The following RIPOR3 variants were observed in gnomAD, a reference collection of about 807,000 sequenced individuals.
RIPOR3 encodes family with sequence similarity 65 member C.
A neutral mutation model predicts 114.3 loss-of-function variants in RIPOR3; 95 were observed. The observed-to-expected ratio is 0.83, with a 90% confidence interval of 0.70 to 0.99. RIPOR3 has a LOEUF of 0.99. Ranked by LOEUF, RIPOR3 falls within the 50% of genes least tolerant of loss-of-function variation. The probability of loss-of-function intolerance (pLI) is 0.00; values close to 1 mark genes in which losing one functional copy is unlikely to be tolerated. For synonymous variants in RIPOR3, 575 were observed against 543.8 expected (o/e 1.06, Z -0.80); for missense variants, 1,252 against 1,266.9 (o/e 0.99, Z 0.18).
chr20:50,647,478 C>CTTTT (rs942940961), intron 1 of RIPOR3, among the ~76,000 whole-genome samples: 19 of 100,346 alleles, frequency 1.9e-4, no homozygotes, highest in Non-Finnish European at 2.4e-4. Context: ...GCCTCATTCT[C>CTTTT]TTTTTTTTTT....
At chr20:50,677,670 C>T (rs1306038367) in intron 1 of RIPOR3, among the ~76,000 whole-genome samples, 2 of 145,942 alleles carry the variant, frequency 1.4e-5, no homozygotes, top group Non-Finnish European at 3.0e-5. Flanking sequence ...CCGCGCCTGG[C>T]CTTTTTTTTT....
At chr20:50,590,574 G>A (rs550972184) in intron 19 of RIPOR3, among the ~76,000 whole-genome samples, 106 of 152,342 alleles carry the variant, frequency 7.0e-4, no homozygotes, top group African/African-American at 2.5e-3. Flanking sequence ...GCTTTGGGAA[G>A]ACAGACTGGG....
intron 13 of RIPOR3, among the ~76,000 whole-genome samples, chr20:50,597,928 A>C (rs1325888602): frequency 1.3e-5 from 2 of 152,172 alleles, no homozygotes; most frequent in African/African-American, 2.4e-5. Flanking sequence ...ACAAGGTAGG[A>C]GCAGAATCTT....
chr20:50,616,290 C>G (rs1319458580), intron 3 of RIPOR3, among the ~76,000 whole-genome samples: 1 of 152,140 alleles, frequency 6.6e-6, no homozygotes, highest in Non-Finnish European at 1.5e-5. Context: ...TTAATTCCCC[C>G]ACCAGGCCCA....
At chr20:50,668,728 G>A (rs959337319) in intron 1 of RIPOR3, among the ~76,000 whole-genome samples, 1 of 152,028 alleles carries the variant, frequency 6.6e-6, no homozygotes, top group Non-Finnish European at 1.5e-5. Flanking sequence ...GTGGTGGCGG[G>A]TGCCTGTAAT....
chr20:50,622,970 A>C (rs2084473906), intron 2 of RIPOR3, among the ~76,000 whole-genome samples: 1 of 152,148 alleles, frequency 6.6e-6, no homozygotes, highest in Admixed American at 6.6e-5. Flanking sequence ...AGCTTAGAAA[A>C]CATTAGGTGC....
chr20:50,629,473 G>T (rs545669102), intron 2 of RIPOR3, among the ~76,000 whole-genome samples: 4 of 152,136 alleles, frequency 2.6e-5, no homozygotes, highest in African/African-American at 9.7e-5. Context: ...TGAGCTCATC[G>T]GGCTGTGGCC....
intron 1 of RIPOR3, chr20:50,637,011 G>T (rs988129263): frequency 5.3e-6 from 4 of 751,304 alleles, no homozygotes; most frequent in Non-Finnish European, 4.9e-6. Flanking sequence ...AGCTCCTTTG[G>T]TTTCGCATGA....
rs551880428 is a variant in RIPOR3 at position 50,634,351 on chromosome 20, T to C, written c.4-3495A>G. On this transcript the variant is annotated intron_variant, in intron 1 of 21. Transcript: ENST00000327979. The stretch of plus-strand genomic sequence containing the variant: ...ACGTGCCATGGCCACATGGATTGGC[T>C]TCCTGGCTAAACCCTCCTCATCTTT... 2.9e-3 allele frequency among the ~76,000 whole-genome samples: 447 copies of C among 152,232 alleles called. 1 individual carries two copies. The highest frequency in any genetic ancestry group is 0.017 in the Middle Eastern group (5 of 294).
intron 6 of RIPOR3, among the ~76,000 whole-genome samples, chr20:50,609,994 A>C (rs62202772): frequency 0.37 from 14,401 of 38,440 alleles, 1,749 homozygotes; most frequent in East Asian, 0.57. Flanking sequence ...CCCCTGCCTC[A>C]CCTGCCACCC....
intron 13 of RIPOR3, among the ~76,000 whole-genome samples, chr20:50,598,797 C>A (rs553236794): frequency 6.6e-6 from 1 of 150,842 alleles, no homozygotes; most frequent in East Asian, 2.0e-4. Flanking sequence ...CTCAGCTACT[C>A]AGGAGGCTGA....
At position 50,639,865 on chromosome 20, in the gene RIPOR3, C is replaced by T. The variant is rs182869874; in HGVS notation, c.4-9009G>A. On this transcript the variant is annotated intron_variant, in intron 1 of 21. Coordinates refer to ENST00000327979, the MANE Select transcript of RIPOR3 (RefSeq NM_001290268.2). The stretch of plus-strand genomic sequence containing the variant: ...TTATGGGAGGGTCCCTGGACCTCAG[C>T]ATGTAATGCTTTGCTGTGGAGGCTG... 5.3e-5 allele frequency among the ~76,000 whole-genome samples: 8 copies of T among 152,118 alleles called. No homozygotes were observed. The East Asian group carries it at 1.5e-3, about 29-fold the overall frequency.
intron 1 of RIPOR3, among the ~76,000 whole-genome samples, chr20:50,689,512 T>C (rs2087137119): frequency 6.6e-6 from 1 of 152,176 alleles, no homozygotes; most frequent in African/African-American, 2.4e-5. Context: ...GACATCTTAC[T>C]CTCAGACGCT....
rs549270503 is a variant in RIPOR3, at chr20:50,614,174, T to C, written c.348+1828A>G. 3.9e-5 allele frequency among the ~76,000 whole-genome samples: 6 copies of C among 152,276 alleles called. 1 individual carries two copies. In the South Asian group the frequency reaches 1.2e-3, roughly 32 times the overall value. On this transcript the variant is annotated intron_variant, in intron 4 of 21. Coordinates refer to ENST00000327979, the MANE Select transcript of RIPOR3 (RefSeq NM_001290268.2). ...CCTCAGCCTCCCGAGTAGCTGGGACTACAGGCACCCGCCACCACGCCTGGC... is the reference window on the plus strand; with the variant it reads ...CCTCAGCCTCCCGAGTAGCTGGGACCACAGGCACCCGCCACCACGCCTGGC...
Position 50,594,666 on chromosome 20 carries a change from CCT to C in RIPOR3, c.2097_2098del (p.Gly700ValfsTer80). 6.2e-7 allele frequency: 1 copy of C among 1,613,628 alleles called. No homozygotes were observed. Among genetic ancestry groups the C allele is most frequent in the Non-Finnish European group, 8.5e-7 (1 of 1,179,840 alleles). ...CAGGACCCTGCCAGGCCCTGTGCACCCTCTCCACAGCTTCAGGCACCCCTTCG... is the reference window on the plus strand; with the variant it reads ...CAGGACCCTGCCAGGCCCTGTGCACCCTCCACAGCTTCAGGCACCCCTTCG... On this transcript the variant is annotated frameshift_variant, in exon 17 of 22. Transcript: ENST00000327979. LOFTEE classifies it high-confidence loss of function.
intron 1 of RIPOR3, among the ~76,000 whole-genome samples, chr20:50,673,119 T>C (rs962482150): frequency 7.1e-6 from 1 of 141,248 alleles, no homozygotes. Flanking sequence ...GTAAGTCTTG[T>C]CCTTGATCTA....
Position 50,609,223 on chromosome 20 carries a change from C to A in RIPOR3, c.640+70G>T, listed in dbSNP as rs2083853885. On this transcript the variant is annotated intron_variant, in intron 8 of 21. Coordinates refer to ENST00000327979, the MANE Select transcript of RIPOR3 (RefSeq NM_001290268.2). ...CAGACCCCTGGGATTCTGGCCAATT[C>A]CCGTGCCCCTCAGCAGAAGTCTCAG... 1.1e-5 allele frequency: 17 copies of A among 1,560,832 alleles called. No individual in the cohort carries two copies. In the South Asian group the frequency reaches 1.7e-4, roughly 16 times the overall value.
intron 11 of RIPOR3, among the ~76,000 whole-genome samples, chr20:50,605,317 A>G (rs982131391): frequency 2.0e-4 from 30 of 152,104 alleles, no homozygotes; most frequent in African/African-American, 7.2e-4. Flanking sequence ...AGGGGAGGAA[A>G]GGAAGGCTCT....
At chr20:50,588,335 C>G (rs2082991322) in intron 20 of RIPOR3, among the ~76,000 whole-genome samples, 2 of 152,272 alleles carry the variant, frequency 1.3e-5, no homozygotes, top group Admixed American at 1.3e-4. Flanking sequence ...TACTGGGCAC[C>G]TGGCCCTCGC....
Sources: gnomAD v4.1 joint callset for allele counts (sites outside exome capture counted in the v4.1 genomes callset) on GRCh38, gnomAD v4.1.1 for gene constraint, MANE v1.5 for transcripts, NCBI Gene and HGNC (gene_info 2026-07-23, HGNC 2026-07-21) for gene names.